FBXL13: variants seen among roughly 807,000 people sequenced by gnomAD.
The protein encoded by FBXL13 is F-box and leucine-rich repeat protein 13.
In FBXL13, 67 loss-of-function variants were observed where a neutral mutation model predicts 83.6. That is an observed-to-expected ratio of 0.80 (90% CI 0.66 to 0.98). FBXL13 has a LOEUF of 0.98. Among genes scored for constraint, FBXL13 ranks in the 50% least tolerant of loss-of-function variants. The pLI is 0.00. For missense variants in FBXL13, 822 were observed against 866.5 expected (o/e 0.95, Z 0.64); for synonymous variants, 272 against 299.5 (o/e 0.91, Z 0.95).
At chr7:102,926,100 C>A (rs1818076377) in intron 10 of FBXL13, among the ~76,000 whole-genome samples, 174 bp downstream of exon 11, 1 of 152,156 alleles carries the variant, frequency 6.6e-6, no homozygotes, top group Non-Finnish European at 1.5e-5. Context: ...CCAAGGCAGA[C>A]CAGTTCAGGC....
chr7:103,024,855 A>ATTTTTTT (rs1265944529), intron 6 of FBXL13, among the ~76,000 whole-genome samples: 2 of 86,396 alleles, frequency 2.3e-5, no homozygotes, highest in African/African-American at 5.5e-5. Context: ...ATATATATAT[A>ATTTTTTT]TATTTTTTTT....
intron 16 of FBXL13, among the ~76,000 whole-genome samples, chr7:102,863,086 A>ATTCAAACTGGAAGCCATGAGAT (rs1325593697): frequency 2.0e-5 from 3 of 152,232 alleles, no homozygotes; most frequent in Non-Finnish European, 2.9e-5. Context: ...GAGAACTAGA[A>ATTCAAACTGGAAGCCATGAGAT]TTCAAACTGG....
intron 6 of FBXL13, among the ~76,000 whole-genome samples, chr7:103,009,430 A>AG (rs971366510): frequency 3.3e-4 from 51 of 152,338 alleles, no homozygotes; most frequent in African/African-American, 1.1e-3. Context: ...TACATGAGAA[A>AG]GGGGGAGTGG....
intron 11 of FBXL13, among the ~76,000 whole-genome samples, chr7:102,899,047 C>T (rs1812644258): frequency 6.6e-6 from 1 of 152,136 alleles, no homozygotes; most frequent in African/African-American, 2.4e-5. Flanking sequence ...TCCTGGGTAG[C>T]TGGGATTACA....
At position 103,062,560 on chromosome 7, in the gene FBXL13, C is replaced by T. The variant is rs185952499; in HGVS notation, c.-104-6813G>A. On this transcript the variant is annotated intron_variant, in intron 1 of 19. Coordinates refer to ENST00000313221, the Ensembl canonical transcript of FBXL13. ...GAGAGTGAGGGATCGCAAGGCAATA[C>T]TTAGTTTTCCTACAATTTCTACCTA... 2.3e-3 allele frequency among the ~76,000 whole-genome samples: 356 copies of T among 151,536 alleles called. 3 individuals carry two copies. The highest frequency in any genetic ancestry group is 8.1e-3 in the African/African-American group (336 of 41,280).
At chr7:102,868,678 T>C (rs1328815500) in intron 16 of FBXL13, among the ~76,000 whole-genome samples, 1 of 152,144 alleles carries the variant, frequency 6.6e-6, no homozygotes, top group Non-Finnish European at 1.5e-5. Context: ...TTTTGTTTTG[T>C]TTTGTTTTTG....
At chr7:102,836,501 G>A (rs186531124) in intron 17 of FBXL13, among the ~76,000 whole-genome samples, 18 of 152,194 alleles carry the variant, frequency 1.2e-4, no homozygotes, top group Admixed American at 2.0e-4. Flanking sequence ...TACTTCTATC[G>A]ATGCTGCTGA....
intron 16 of FBXL13, among the ~76,000 whole-genome samples, chr7:102,877,211 A>C (rs1013127760): frequency 3.3e-5 from 5 of 152,156 alleles, no homozygotes; most frequent in Non-Finnish European, 1.5e-5. Flanking sequence ...ACAAATCTCA[A>C]ATTATCATGA....
At chr7:102,986,436 C>A (rs781413347) in intron 6 of FBXL13, among the ~76,000 whole-genome samples, 1 of 152,114 alleles carries the variant, frequency 6.6e-6, no homozygotes, top group Non-Finnish European at 1.5e-5. Flanking sequence ...TGGCAACTGA[C>A]GATCAAAAGA....
intron 16 of FBXL13, among the ~76,000 whole-genome samples, chr7:102,865,730 G>C (rs1303629431): frequency 6.6e-6 from 1 of 151,494 alleles, no homozygotes; most frequent in African/African-American, 2.4e-5. Context: ...TTTTTTAGTA[G>C]AGACGGGGTT....
chr7:102,864,369 T>G (rs1339329678), intron 16 of FBXL13, among the ~76,000 whole-genome samples: 2 of 146,388 alleles, frequency 1.4e-5, no homozygotes, highest in Admixed American at 6.7e-5. Context: ...CAGAGACAAG[T>G]GTTCATTTTT....
At chr7:102,962,531 C>T (rs1241554293) in intron 8 of FBXL13, among the ~76,000 whole-genome samples, 10 of 152,058 alleles carry the variant, frequency 6.6e-5, no homozygotes, top group Non-Finnish European at 8.8e-5. Flanking sequence ...GACACATGCA[C>T]GCATATGTTT....
rs867534028 is a variant in FBXL13, at chr7:102,893,760, T to G, written c.1009-9448A>C. 5.6e-5 allele frequency among the ~76,000 whole-genome samples: 7 copies of G among 124,238 alleles called. 1 individual carries two copies. Among genetic ancestry groups the G allele is most frequent in the Admixed American group, 3.7e-4 (4 of 10,712 alleles). The allele number at this position is 124,238 out of a possible 152,430, so 81.5% of individuals were successfully genotyped here. On this transcript the variant is annotated intron_variant, in intron 11 of 19. Coordinates refer to ENST00000313221, the Ensembl canonical transcript of FBXL13. The stretch of plus-strand genomic sequence containing the variant: ...TCCAGCCTGGGTGACAGAGCAAGAC[T>G]CTGTCTCAAAAAAAAAAAAAAAAAG...
intron 16 of FBXL13, among the ~76,000 whole-genome samples, chr7:102,861,982 CA>C (rs59375342): frequency 1.5e-3 from 180 of 119,962 alleles, no homozygotes; most frequent in Admixed American, 2.1e-3. Flanking sequence ...ACTGTGTCTC[CA>C]AAAAAAAAAA....
At chr7:102,970,930 A>T (rs2129482145) in intron 6 of FBXL13, among the ~76,000 whole-genome samples, 1 of 152,314 alleles carries the variant, frequency 6.6e-6, no homozygotes, top group Admixed American at 6.5e-5. Context: ...AATATAAAGG[A>T]TGCTAAGAGA....
intron 10 of FBXL13, among the ~76,000 whole-genome samples, chr7:102,920,546 T>C (rs1375878528): frequency 6.6e-6 from 1 of 152,014 alleles, no homozygotes; most frequent in African/African-American, 2.4e-5. Context: ...AGATGGAGTT[T>C]TACCATGTTG....
At chr7:102,960,515 G>A in intron 8 of FBXL13, among the ~76,000 whole-genome samples, 1 of 151,360 alleles carries the variant, frequency 6.6e-6, no homozygotes, top group East Asian at 1.9e-4. Context: ...ACCAAAGCCA[G>A]GCAGAGACAC....
chr7:102,901,894 T>C (rs1183033244), intron 11 of FBXL13, among the ~76,000 whole-genome samples: 1 of 152,226 alleles, frequency 6.6e-6, no homozygotes, highest in Non-Finnish European at 1.5e-5. Flanking sequence ...GCAACAGACA[T>C]AGGAGTGCAG....
intron 17 of FBXL13, among the ~76,000 whole-genome samples, chr7:102,833,642 G>T (rs1260028460): frequency 6.6e-6 from 1 of 150,898 alleles, no homozygotes; most frequent in Non-Finnish European, 1.5e-5. Flanking sequence ...AGGTTGCCCA[G>T]GCTGGTCTTG....
Sources: gnomAD v4.1 joint callset for allele counts (sites outside exome capture counted in the v4.1 genomes callset) on GRCh38, gnomAD v4.1.1 for gene constraint, MANE v1.5 for transcripts, NCBI Gene and HGNC (gene_info 2026-07-23, HGNC 2026-07-21) for gene names.